Variants in ZNF385B observed in about 807,000 individuals in gnomAD.
The protein encoded by ZNF385B is zinc finger protein 533.
ZNF385B carries 23 observed loss-of-function variants against 39.2 expected under a neutral mutation model. That is an observed-to-expected ratio of 0.59 (90% CI 0.42 to 0.83). The LOEUF is 0.83. Ranked by LOEUF, ZNF385B falls within the 40% of genes least tolerant of loss-of-function variation. ZNF385B has a pLI of 0.00. For synonymous variants in ZNF385B, 205 were observed against 222.6 expected, an observed-to-expected ratio of 0.92 and a Z score of 0.70; for missense variants, 552 against 598.9, an observed-to-expected ratio of 0.92 and a Z score of 0.82.
At chr2:179,540,034 G>A (rs1168518230) in intron 4 of ZNF385B, among the ~76,000 whole-genome samples, 1 of 152,120 alleles carries the variant, frequency 6.6e-6, no homozygotes, top group Non-Finnish European at 1.5e-5. Context: ...TCTTAAAGCT[G>A]GGGTCTGGGA....
chr2:179,607,884 A>G (rs1464322803), intron 3 of ZNF385B, among the ~76,000 whole-genome samples: 1 of 150,556 alleles, frequency 6.6e-6, no homozygotes, highest in Non-Finnish European at 1.5e-5. Flanking sequence ...ATTTTGAGAC[A>G]CAAACTTTGT....
chr2:179,470,032 C>G (rs1487211798), intron 6 of ZNF385B, among the ~76,000 whole-genome samples: 1 of 152,182 alleles, frequency 6.6e-6, no homozygotes, highest in East Asian at 1.9e-4. Context: ...GAACTTTTGA[C>G]TCAGTGTCGT....
At chr2:179,485,586 A>T (rs2054479549) in intron 5 of ZNF385B, among the ~76,000 whole-genome samples, 1 of 152,296 alleles carries the variant, frequency 6.6e-6, no homozygotes, top group African/African-American at 2.4e-5. Flanking sequence ...ATAAATGATG[A>T]TGATGAATTT....
chr2:179,704,259 A>C (rs2008230), intron 3 of ZNF385B, among the ~76,000 whole-genome samples: 38,443 of 152,088 alleles, frequency 0.25, 6,248 homozygotes, highest in East Asian at 0.56. Context: ...GAAAATAATA[A>C]ATTTTAAGAA....
chr2:179,558,121 T>C (rs1222845738), intron 3 of ZNF385B, among the ~76,000 whole-genome samples: 1 of 152,142 alleles, frequency 6.6e-6, no homozygotes, highest in South Asian at 2.1e-4. Flanking sequence ...ACACATTTTT[T>C]CAAGTAATGG....
intron 1 of ZNF385B, among the ~76,000 whole-genome samples, chr2:179,842,963 G>C (rs1708614096): frequency 6.6e-6 from 1 of 152,134 alleles, no homozygotes; most frequent in South Asian, 2.1e-4. Flanking sequence ...AGGATTCTTT[G>C]CCAAAGCTAG....
At chr2:179,843,131 C>T (rs1266870889) in intron 1 of ZNF385B, among the ~76,000 whole-genome samples, 2 of 152,174 alleles carry the variant, frequency 1.3e-5, no homozygotes, top group Non-Finnish European at 2.9e-5. Flanking sequence ...TCCCAAAGGT[C>T]TCTGCTCCTC....
At chr2:179,675,901 C>T (rs973674293) in intron 3 of ZNF385B, among the ~76,000 whole-genome samples, 2 of 151,850 alleles carry the variant, frequency 1.3e-5, no homozygotes, top group African/African-American at 4.8e-5. Context: ...GATTCTCCTG[C>T]CTCAGCCTCC....
intron 1 of ZNF385B, among the ~76,000 whole-genome samples, chr2:179,803,953 C>G (rs1351877638): frequency 6.6e-6 from 1 of 152,130 alleles, no homozygotes; most frequent in East Asian, 1.9e-4. Context: ...TTAGAGCACC[C>G]AAGAACTCAA....
At chr2:179,535,142 C>CTCTAA (rs1232793495) in intron 4 of ZNF385B, among the ~76,000 whole-genome samples, 1 of 152,072 alleles carries the variant, frequency 6.6e-6, no homozygotes, top group Non-Finnish European at 1.5e-5. Flanking sequence ...TTCTATGCAC[C>CTCTAA]TCTACTTATT....
At chr2:179,859,224 C>G (rs1348755075) in intron 1 of ZNF385B, among the ~76,000 whole-genome samples, 4 of 152,180 alleles carry the variant, frequency 2.6e-5, no homozygotes, top group Non-Finnish European at 5.9e-5. Flanking sequence ...ACAATTCCCT[C>G]TCTGATTTGA....
chr2:179,766,396 G>T (rs951222917), intron 3 of ZNF385B, among the ~76,000 whole-genome samples: 1 of 152,094 alleles, frequency 6.6e-6, no homozygotes, highest in Admixed American at 6.5e-5. Flanking sequence ...GTTCTCTGGG[G>T]CTGTTGTAAC....
chr2:179,812,919 A>T (rs1706826342), intron 1 of ZNF385B, among the ~76,000 whole-genome samples: 1 of 152,106 alleles, frequency 6.6e-6, no homozygotes. Flanking sequence ...TTGGAATTTT[A>T]AAATTTATTT....
chr2:179,619,317 G>C (rs1690017411), intron 3 of ZNF385B, among the ~76,000 whole-genome samples: 1 of 152,058 alleles, frequency 6.6e-6, no homozygotes, highest in African/African-American at 2.4e-5. Flanking sequence ...ACATATACAG[G>C]CTTTGTTTTA....
intron 1 of ZNF385B, among the ~76,000 whole-genome samples, chr2:179,829,117 T>A (rs1334889757): frequency 6.6e-6 from 1 of 151,780 alleles, no homozygotes; most frequent in African/African-American, 2.4e-5. Flanking sequence ...CTCCAAATCA[T>A]ACACACCATT....
chr2:179,706,508 G>A (rs1699612918), intron 3 of ZNF385B, among the ~76,000 whole-genome samples: 1 of 152,094 alleles, frequency 6.6e-6, no homozygotes, highest in South Asian at 2.1e-4. Context: ...GAAATCCATG[G>A]GGCAAATCCT....
At chr2:179,465,104 T>C (rs1387584406) in intron 6 of ZNF385B, among the ~76,000 whole-genome samples, 1 of 152,136 alleles carries the variant, frequency 6.6e-6, no homozygotes, top group Non-Finnish European at 1.5e-5. Context: ...CTGGACATGA[T>C]TTTTTTCTGG....
In ZNF385B at chr2:179,497,540, CA is replaced by C. The variant is rs555054066; in HGVS notation, c.553-14107del. 2.6e-4 allele frequency among the ~76,000 whole-genome samples: 35 copies of C among 135,904 alleles called. 1 individual carries two copies. The highest frequency in any genetic ancestry group is 2.9e-4 in the Admixed American group (4 of 13,594). The allele number at this position is 135,904 out of a possible 152,430, so 89.2% of individuals were successfully genotyped here. On this transcript the variant is annotated intron_variant, in intron 5 of 9. Coordinates refer to ENST00000410066, the MANE Select transcript of ZNF385B (RefSeq NM_152520.6). The stretch of plus-strand genomic sequence containing the variant: ...TGCAAACCTCATGGTAAACTCAAAC[CA>C]AAAAAAAAATACAATGAATATACAA...
intron 3 of ZNF385B, among the ~76,000 whole-genome samples, chr2:179,580,854 C>G (rs1158611719): frequency 6.6e-6 from 1 of 152,146 alleles, no homozygotes; most frequent in Non-Finnish European, 1.5e-5. Flanking sequence ...AAGAGCAGGG[C>G]CAACTGAACT....
Sources: allele counts gnomAD v4.1 joint callset (sites outside exome capture counted in the v4.1 genomes callset), GRCh38; gene constraint gnomAD v4.1.1; transcripts MANE v1.5; gene names NCBI Gene and HGNC (gene_info 2026-07-23, HGNC 2026-07-21).